The following CCDC141 variants were observed in gnomAD, a reference collection of about 807,000 sequenced individuals.
The protein encoded by CCDC141 is coiled-coil domain-containing protein 141.
CCDC141 carries 168 observed loss-of-function variants against 181.0 expected under a neutral mutation model. The ratio of observed to expected loss-of-function variants is 0.93; its 90% CI spans 0.82 to 1.05. CCDC141 has a LOEUF of 1.05. Among genes scored for constraint, CCDC141 ranks in the 50% least tolerant of loss-of-function variants. The probability of loss-of-function intolerance (pLI) is 0.00; values close to 1 mark genes in which losing one functional copy is unlikely to be tolerated. For synonymous variants in CCDC141, 666 were observed against 642.3 expected (o/e 1.04, Z -0.56); for missense variants, 1,902 against 1,788.5 (o/e 1.06, Z -1.14).
intron 6 of CCDC141, 141 bp downstream of exon 6, chr2:178,944,394 G>A (rs1689644343): frequency 2.2e-6 from 1 of 445,892 alleles, no homozygotes; most frequent in African/African-American, 2.0e-5. Context: ...ATTTGCTAAT[G>A]TTATTGGGAT....
the CCDC141 span, among the ~76,000 whole-genome samples, chr2:178,822,541 A>G: frequency 6.6e-6 from 1 of 152,212 alleles, no homozygotes; most frequent in African/African-American, 2.4e-5. Flanking sequence ...CTATGAATAC[A>G]AGATTGAGAA....
At chr2:178,860,104 C>T (rs1685539622) in intron 17 of CCDC141, among the ~76,000 whole-genome samples, 1 of 152,176 alleles carries the variant, frequency 6.6e-6, no homozygotes, top group Non-Finnish European at 1.5e-5. Flanking sequence ...CCACAATGTC[C>T]ACTTCATGAA....
chr2:178,947,578 A>G lies in CCDC141; in HGVS notation c.781-2927T>C, dbSNP rs547026947. 3.3e-5 allele frequency among the ~76,000 whole-genome samples: 5 copies of G among 152,310 alleles called. No individual in the cohort carries two copies. The East Asian group carries it at 9.6e-4, about 29-fold the overall frequency. ...ATGCCCAGAGGAGATAGAACTCAGCAGAGGAGTGAGGCAGATCTTTGTGTG... is the reference window on the plus strand; with the variant it reads ...ATGCCCAGAGGAGATAGAACTCAGCGGAGGAGTGAGGCAGATCTTTGTGTG... On this transcript the variant is annotated intron_variant, in intron 5 of 23. Transcript: ENST00000443758.
chr2:178,918,999 C>G (rs540132592), intron 6 of CCDC141, 92 bp from the exon 7 acceptor site: 24 of 1,156,624 alleles, frequency 2.1e-5, no homozygotes, highest in Non-Finnish European at 2.9e-5. Context: ...GAAATCTAAC[C>G]CCCAAGGTGA....
chr2:179,030,702 T>C (rs952484538), intron 2 of CCDC141, among the ~76,000 whole-genome samples: 1 of 152,068 alleles, frequency 6.6e-6, no homozygotes, highest in African/African-American at 2.4e-5. Flanking sequence ...ACTACATACA[T>C]ATACAAATAA....
chr2:179,049,592 T>C (rs1283683522), intron 1 of CCDC141, among the ~76,000 whole-genome samples: 15 of 149,524 alleles, frequency 1.0e-4, no homozygotes, highest in Admixed American at 5.3e-4. Context: ...TTCTTTTCTT[T>C]TTTTTTTTTT....
intron 8 of CCDC141, among the ~76,000 whole-genome samples, chr2:178,897,287 C>T (rs535737248): frequency 6.6e-6 from 1 of 152,144 alleles, no homozygotes; most frequent in African/African-American, 2.4e-5. Flanking sequence ...TTGGAAACAA[C>T]TGATTTACAA....
intron 14 of CCDC141, among the ~76,000 whole-genome samples, chr2:178,870,427 AC>A (rs778371684): frequency 1.6e-4 from 25 of 152,172 alleles, no homozygotes; most frequent in Non-Finnish European, 2.9e-4. Context: ...CATCACAGTG[AC>A]AGGGCTAAAG....
intron 12 of CCDC141, among the ~76,000 whole-genome samples, chr2:178,872,697 G>A (rs1686174718): frequency 6.6e-6 from 1 of 152,166 alleles, no homozygotes; most frequent in South Asian, 2.1e-4. Context: ...ATTGGAATAC[G>A]TCAAAATATC....
chr2:178,844,919 A>C lies in CCDC141; in HGVS notation c.3474+707T>G, dbSNP rs183652701. Among the ~76,000 whole-genome samples the C allele has an allele frequency of 2.0e-3, 309 of 152,334 alleles. 2 individuals are homozygous for C. The highest frequency in any genetic ancestry group is 3.4e-3 in the Middle Eastern group (1 of 294). On this transcript the variant is annotated intron_variant, in intron 22 of 23. Coordinates refer to ENST00000443758, the MANE Select transcript of CCDC141 (RefSeq NM_173648.4). ...AAAAGTCAAAAGCTAATTATAGTCC[A>C]GCAGCTGTGAATAGAGAGTGAGCAA...
intron 2 of CCDC141, among the ~76,000 whole-genome samples, chr2:179,029,065 C>T (rs1169997396): frequency 6.6e-6 from 1 of 152,078 alleles, no homozygotes; most frequent in African/African-American, 2.4e-5. Context: ...TCTTCATGTG[C>T]CCCATGTGTA....
chr2:178,818,992 G>C, the CCDC141 span, among the ~76,000 whole-genome samples: 1 of 152,284 alleles, frequency 6.6e-6, no homozygotes, highest in Middle Eastern at 3.4e-3. Context: ...GGAGAAAGAA[G>C]GGCAGACAGA....
At chr2:179,005,489 A>G (rs1359043578) in intron 2 of CCDC141, among the ~76,000 whole-genome samples, 1 of 152,202 alleles carries the variant, frequency 6.6e-6, no homozygotes, top group Non-Finnish European at 1.5e-5. Flanking sequence ...AAAACAATAA[A>G]AAAGTAACAT....
At chr2:178,962,128 T>C (rs560738938) in intron 4 of CCDC141, among the ~76,000 whole-genome samples, 1 of 152,186 alleles carries the variant, frequency 6.6e-6, no homozygotes, top group Non-Finnish European at 1.5e-5. Flanking sequence ...TAATGAAGCA[T>C]AGATATCTGC....
chr2:178,953,211 C>A (rs1478858906), intron 5 of CCDC141, among the ~76,000 whole-genome samples: 1 of 152,020 alleles, frequency 6.6e-6, no homozygotes, highest in Non-Finnish European at 1.5e-5. Context: ...CCGAGGCAGG[C>A]GGATCACAAT....
chr2:178,856,271 C>A lies in CCDC141; in HGVS notation c.2851G>T (p.Ala951Ser). ...KYQIQQVDMY[A>S]EKMQALKRKM... is the part of the protein sequence containing the mutation. ...TTTCTTGTTACCTGCATTTTTTCAGCATACATATCAACTTGCTGAATTTGA... is the reference window on the plus strand; with the variant it reads ...TTTCTTGTTACCTGCATTTTTTCAGAATACATATCAACTTGCTGAATTTGA... The change falls in exon 18 of 24, where the codon GCT becomes TCT. Residue 951 changes from alanine to serine, a missense_variant. Coordinates refer to ENST00000443758, the MANE Select transcript of CCDC141 (RefSeq NM_173648.4). 6.2e-7 allele frequency: 1 copy of A among 1,606,868 alleles called. No individual in the cohort carries two copies. Among genetic ancestry groups the A allele is most frequent in the Non-Finnish European group, 8.5e-7 (1 of 1,176,922 alleles).
chr2:178,982,936 G>T (rs971766490), intron 2 of CCDC141, among the ~76,000 whole-genome samples: 1 of 152,206 alleles, frequency 6.6e-6, no homozygotes, highest in Admixed American at 6.5e-5. Flanking sequence ...AAAGCAGCCT[G>T]GAAGCTCGAA....
At chr2:178,996,597 C>G (rs1022058320) in intron 2 of CCDC141, among the ~76,000 whole-genome samples, 3 of 152,126 alleles carry the variant, frequency 2.0e-5, no homozygotes, top group Non-Finnish European at 2.9e-5. Flanking sequence ...ATAAGCTCCT[C>G]TTAATATTTT....
intron 2 of CCDC141, among the ~76,000 whole-genome samples, chr2:179,004,620 A>G (rs941183499): frequency 2.6e-5 from 4 of 152,206 alleles, no homozygotes; most frequent in Non-Finnish European, 5.9e-5. Flanking sequence ...TGAAATTTCT[A>G]TTCTATGAAT....
Sources: allele counts gnomAD v4.1 joint callset (sites outside exome capture counted in the v4.1 genomes callset), GRCh38; gene constraint gnomAD v4.1.1; transcripts MANE v1.5; gene names NCBI Gene and HGNC (gene_info 2026-07-23, HGNC 2026-07-21).